Variants in ACOXL observed in about 807,000 individuals in gnomAD.
ACOXL encodes acyl-CoA oxidase like, also known as acyl-coenzyme A oxidase-like protein.
In ACOXL, 70 loss-of-function variants were observed where a neutral mutation model predicts 71.9. The observed-to-expected ratio is 0.97, with a 90% CI of 0.80 to 1.19. ACOXL has a LOEUF of 1.19. Among genes scored for constraint, ACOXL ranks in the 50% most tolerant of loss-of-function variants. The pLI, the probability that ACOXL is intolerant of heterozygous loss-of-function variation, is 0.00. For missense variants in ACOXL, 703 were observed against 736.3 expected, an observed-to-expected ratio of 0.95 and a Z score of 0.52; for synonymous variants, 253 against 281.6, an observed-to-expected ratio of 0.90 and a Z score of 1.02.
chr2:111,052,287 C>T (rs1487124147), intron 16 of ACOXL, among the ~76,000 whole-genome samples: 9 of 152,168 alleles, frequency 5.9e-5, no homozygotes, highest in African/African-American at 9.7e-5. Flanking sequence ...AATTCCACCA[C>T]TCCACCCCTT....
At chr2:110,993,850 G>T (rs1244737634) in intron 13 of ACOXL, among the ~76,000 whole-genome samples, 1 of 152,068 alleles carries the variant, frequency 6.6e-6, no homozygotes, top group African/African-American at 2.4e-5. Flanking sequence ...CCTCACTATG[G>T]TTTCCGTTTG....
chr2:111,083,284 A>C (rs1442897399), intron 16 of ACOXL, among the ~76,000 whole-genome samples: 1 of 152,134 alleles, frequency 6.6e-6, no homozygotes, highest in Non-Finnish European at 1.5e-5. Context: ...AGGGGTCCCC[A>C]AGACTATCCT....
intron 16 of ACOXL, among the ~76,000 whole-genome samples, chr2:111,063,063 G>A (rs1297948890): frequency 2.6e-5 from 4 of 152,072 alleles, no homozygotes; most frequent in South Asian, 2.1e-4. Context: ...ACTATTATTC[G>A]AAAACACACA....
chr2:111,006,807 C>T (rs898064578), intron 14 of ACOXL, among the ~76,000 whole-genome samples: 1 of 152,148 alleles, frequency 6.6e-6, no homozygotes, highest in Non-Finnish European at 1.5e-5. Flanking sequence ...GATCTGCCCT[C>T]CTCAGCCTCC....
rs550949654 is a variant in ACOXL at position 111,004,003 on chromosome 2, C to T, written c.1281+7999C>T. 7.9e-5 allele frequency among the ~76,000 whole-genome samples: 12 copies of T among 152,284 alleles called. No homozygotes were observed. In the South Asian group the frequency reaches 2.5e-3, roughly 32 times the overall value. On this transcript the variant is annotated intron_variant, in intron 14 of 17. Transcript: ENST00000439055. Reference sequence around the variant, plus strand: ...TGTATTTTTGGCCCGGCTTTTTGCTCAGCTAGCTGTATATTGGCTCATGTC... The same window carrying T: ...TGTATTTTTGGCCCGGCTTTTTGCTTAGCTAGCTGTATATTGGCTCATGTC...
chr2:110,761,328 AC>A (rs1680377492), intron 1 of ACOXL, among the ~76,000 whole-genome samples: 1 of 152,132 alleles, frequency 6.6e-6, no homozygotes, highest in Non-Finnish European at 1.5e-5. Flanking sequence ...AGGCTTGCAT[AC>A]CCATTGACTG....
intron 1 of ACOXL, among the ~76,000 whole-genome samples, chr2:110,739,784 C>T (rs573961099): frequency 5.9e-5 from 9 of 152,328 alleles, no homozygotes; most frequent in East Asian, 1.9e-4. Flanking sequence ...TCCGTCAGCC[C>T]TGTAGACTTA....
chr2:110,732,897 C>T (rs1205829473), intron 1 of ACOXL, 123 bp downstream of exon 1: 1 of 152,274 alleles, frequency 6.6e-6, no homozygotes, highest in Non-Finnish European at 1.5e-5. Flanking sequence ...TGCGCCGCGC[C>T]TGAGAGGCGG....
intron 2 of ACOXL, among the ~76,000 whole-genome samples, chr2:110,781,485 CA>C (rs984312969): frequency 6.6e-6 from 1 of 151,444 alleles, no homozygotes; most frequent in African/African-American, 2.4e-5. Flanking sequence ...ACTAAAAATA[CA>C]AAAAAATTAG....
At chr2:110,803,898 G>C (rs1393840449) in intron 8 of ACOXL, among the ~76,000 whole-genome samples, 1 of 151,438 alleles carries the variant, frequency 6.6e-6, no homozygotes, top group Admixed American at 6.6e-5. Flanking sequence ...TGACTGCTAA[G>C]CATATGAAAA....
chr2:110,839,395 C>CCA (rs2105733866), intron 9 of ACOXL, among the ~76,000 whole-genome samples: 1 of 152,240 alleles, frequency 6.6e-6, no homozygotes, highest in Admixed American at 6.5e-5. Context: ...TATTTCTTTC[C>CCA]CAAAGTAATT....
At chr2:111,003,834 A>G (rs1254733092) in intron 14 of ACOXL, among the ~76,000 whole-genome samples, 1 of 152,182 alleles carries the variant, frequency 6.6e-6, no homozygotes, top group Non-Finnish European at 1.5e-5. Context: ...CTGGAAGGGG[A>G]AGACCACAAA....
chr2:110,817,952 CT>C (rs1193171202), intron 9 of ACOXL, among the ~76,000 whole-genome samples: 1,320 of 115,732 alleles, frequency 0.011, 10 homozygotes, highest in Middle Eastern at 0.015. Context: ...ATGCTCCTGA[CT>C]TTTTTTTTTT....
intron 11 of ACOXL, among the ~76,000 whole-genome samples, chr2:110,919,312 A>T (rs1013406643): frequency 6.6e-6 from 1 of 151,908 alleles, no homozygotes; most frequent in Non-Finnish European, 1.5e-5. Flanking sequence ...AGGAACAGAA[A>T]ACCAAACACC....
At chr2:110,786,263 G>A (rs1444804022) in intron 3 of ACOXL, among the ~76,000 whole-genome samples, 1 of 152,222 alleles carries the variant, frequency 6.6e-6, no homozygotes, top group Non-Finnish European at 1.5e-5. Context: ...TTGGCAGTGA[G>A]TCCAATATGG....
Position 110,860,985 on chromosome 2 carries a change from C to T in ACOXL, c.788+19580C>T, listed in dbSNP as rs532810624. Among the ~76,000 whole-genome samples the T allele has an allele frequency of 3.2e-4, 49 of 152,268 alleles. 1 individual carries two copies. In the South Asian group the frequency reaches 9.3e-3, roughly 29 times the overall value. ...ACAAGAGCTTCTAGGAGTAACAAGG[C>T]ATACGCCTGTAATCCCAGCTACTCG... On this transcript the variant is annotated intron_variant, in intron 10 of 17. Coordinates refer to ENST00000439055, the MANE Select transcript of ACOXL (RefSeq NM_001142807.4).
At chr2:110,985,886 A>G (rs939022941) in intron 12 of ACOXL, among the ~76,000 whole-genome samples, 5 of 152,214 alleles carry the variant, frequency 3.3e-5, no homozygotes, top group African/African-American at 4.8e-5. Flanking sequence ...ACCAATGCCA[A>G]TAAAGCTTCC....
chr2:111,017,287 A>G (rs1574494344), intron 14 of ACOXL, among the ~76,000 whole-genome samples: 1 of 152,188 alleles, frequency 6.6e-6, no homozygotes, highest in East Asian at 1.9e-4. Flanking sequence ...GATCACAGAC[A>G]TTTGTTGAGT....
intron 10 of ACOXL, among the ~76,000 whole-genome samples, chr2:110,906,664 A>G (rs951480030): frequency 5.9e-5 from 9 of 151,628 alleles, no homozygotes; most frequent in Non-Finnish European, 1.2e-4. Context: ...GTGGTCAATC[A>G]CTGCTTTTGC....
Sources: gnomAD v4.1 joint callset for allele counts (sites outside exome capture counted in the v4.1 genomes callset) on GRCh38, gnomAD v4.1.1 for gene constraint, MANE v1.5 for transcripts, NCBI Gene and HGNC (gene_info 2026-07-23, HGNC 2026-07-21) for gene names.